The following GFRA3 variants were observed in gnomAD, a reference collection of about 807,000 sequenced individuals.
The protein encoded by GFRA3 is GDNF family receptor alpha-3.
In GFRA3, 24 loss-of-function variants were observed where a neutral mutation model predicts 40.0. That is an observed-to-expected ratio of 0.60 (90% CI 0.43 to 0.84). GFRA3 has a LOEUF of 0.84. Ranked by LOEUF, GFRA3 falls within the 40% of genes least tolerant of loss-of-function variation. GFRA3 has a pLI of 0.00. For synonymous variants in GFRA3, 203 were observed against 213.5 expected, an observed-to-expected ratio of 0.95 and a Z score of 0.43; for missense variants, 405 against 530.6, an observed-to-expected ratio of 0.76 and a Z score of 2.33.
At chr5:138,257,552 G>A (rs1755648982) in intron 4 of GFRA3, 87 bp downstream of exon 4, 3 of 1,196,486 alleles carry the variant, frequency 2.5e-6, no homozygotes, top group Admixed American at 2.6e-5. Flanking sequence ...CCCTGGGAGG[G>A]TCAGACCCTG....
intron 1 of GFRA3, among the ~76,000 whole-genome samples, chr5:138,268,284 G>GAAAAAAAAAAAAAAAAAAAAAA (rs60958894): frequency 3.6e-4 from 12 of 33,140 alleles, no homozygotes; most frequent in Non-Finnish European, 4.6e-4. Flanking sequence ...GACTCCATCT[G>GAAAAAAAAAAAAAAAAAAAAAA]AAAAAAAAAA....
rs1442004461 is a variant in GFRA3, at chr5:138,253,809, C to T, written c.981G>A (p.Glu327=). The T allele has an allele frequency of 6.2e-7, 1 of 1,613,954 alleles. No homozygotes were observed. Among genetic ancestry groups the T allele is most frequent in the Non-Finnish European group, 8.5e-7 (1 of 1,179,966 alleles). ...AGAAGAACCCTTCCAGCATTTCACACTCCTCCTGCAGGTTGCCACTGCCTC... is the reference window on the plus strand; with the variant it reads ...AGAAGAACCCTTCCAGCATTTCACATTCCTCCTGCAGGTTGCCACTGCCTC... ...TCRGSGNLQE[E]CEMLEGFFSH... The change falls in exon 6 of 8, where the codon GAG becomes GAA. Residue 327 remains glutamate (E), a synonymous_variant. Coordinates refer to ENST00000274721, the MANE Select transcript of GFRA3 (RefSeq NM_001496.4).
At chr5:138,253,636 C>T in intron 6 of GFRA3, 130 bp downstream of exon 6, 1 of 846,766 alleles carries the variant, frequency 1.2e-6, no homozygotes, top group Non-Finnish European at 1.9e-6. Flanking sequence ...GCAATGAAAG[C>T]CTATGCTAGG....
chr5:138,256,706 T>C (rs1342476114), intron 4 of GFRA3, among the ~76,000 whole-genome samples: 2 of 152,030 alleles, frequency 1.3e-5, no homozygotes, highest in East Asian at 3.9e-4. Context: ...CCTAGCACTT[T>C]GGGAGGCCAA....
At chr5:138,268,794 G>A (rs1318272415) in intron 1 of GFRA3, among the ~76,000 whole-genome samples, 1 of 151,922 alleles carries the variant, frequency 6.6e-6, no homozygotes, top group Non-Finnish European at 1.5e-5. Flanking sequence ...GGATGGTGGT[G>A]AGCTCCTGTA....
intron 1 of GFRA3, among the ~76,000 whole-genome samples, chr5:138,271,820 C>A (rs1307047974): frequency 2.0e-5 from 3 of 148,228 alleles, no homozygotes; most frequent in Non-Finnish European, 4.5e-5. Flanking sequence ...TCAAGCAATC[C>A]ACCCACCTTG....
chr5:138,273,941 G>C (rs1755911922), intron 1 of GFRA3, among the ~76,000 whole-genome samples: 1 of 152,188 alleles, frequency 6.6e-6, no homozygotes, highest in South Asian at 2.1e-4. Context: ...AGATGGAAGA[G>C]TTAAAGCCCA....
At position 138,254,051 on chromosome 5, in the gene GFRA3, C is replaced by A. The variant is rs1262406534; in HGVS notation, c.889+6G>T. On this transcript the variant is annotated splice_donor_region_variant and intron_variant, in intron 5 of 7. Transcript: ENST00000274721. ...TAGGGTTCCCTACACATGCCCCCAG[C>A]CTCACCAATCAGCCCCAGGTATGCT... is the stretch of plus-strand genomic sequence containing the variant. The A allele has an allele frequency of 1.9e-6, 3 of 1,599,002 alleles. No individual in the cohort carries two copies. The highest frequency in any genetic ancestry group is 2.7e-5 in the African/African-American group (2 of 74,560).
intron 1 of GFRA3, among the ~76,000 whole-genome samples, chr5:138,265,740 G>C (rs974030097): frequency 2.0e-5 from 3 of 151,814 alleles, no homozygotes; most frequent in Admixed American, 2.0e-4. Flanking sequence ...TATCTCCCAG[G>C]CTGGAGTGCA....
intron 1 of GFRA3, among the ~76,000 whole-genome samples, chr5:138,270,311 G>T (rs1280795849): frequency 6.6e-6 from 1 of 150,472 alleles, no homozygotes; most frequent in Non-Finnish European, 1.5e-5. Context: ...GGCGGAGCTT[G>T]CAGTGAGCCG....
chr5:138,268,281 T>G (rs1371613827), intron 1 of GFRA3, among the ~76,000 whole-genome samples: 2 of 628 alleles, frequency 3.2e-3, no homozygotes, highest in Non-Finnish European at 0.02. Flanking sequence ...TGAGACTCCA[T>G]CTGAAAAAAA....
At chr5:138,254,187 CTTT>C (rs367624929) in intron 4 of GFRA3, 27 bp from the exon 5 acceptor site, 1,361 of 931,162 alleles carry the variant, frequency 1.5e-3, no homozygotes, top group Middle Eastern at 2.7e-3. Flanking sequence ...TTCTGTCTTT[CTTT>C]TTTTTTTTTT....
chr5:138,265,063 T>C (rs1437901915), intron 1 of GFRA3, among the ~76,000 whole-genome samples: 2 of 152,138 alleles, frequency 1.3e-5, no homozygotes, highest in Admixed American at 6.5e-5. Flanking sequence ...AAGGGTAACC[T>C]GACCCTGTCT....
At chr5:138,260,175 AC>A (rs1476284335) in intron 2 of GFRA3, among the ~76,000 whole-genome samples, 1 of 152,082 alleles carries the variant, frequency 6.6e-6, no homozygotes, top group Non-Finnish European at 1.5e-5. Context: ...ACACTTCCTC[AC>A]CCCACTGATG....
chr5:138,274,557 G>A lies in GFRA3; in HGVS notation c.-133C>T. ...CGCGACGCACACACTCTCCCACCAG[G>A]GTCCTGGGCGCCGCCCTCCAACTCC... On this transcript the variant is annotated 5_prime_UTR_variant, in exon 1 of 8. Coordinates refer to ENST00000274721, the MANE Select transcript of GFRA3 (RefSeq NM_001496.4). 1 of 1,229,762 alleles carries A rather than the reference G, an allele frequency of 8.1e-7. No homozygotes were observed. The highest frequency in any genetic ancestry group is 1.0e-6 in the Non-Finnish European group (1 of 986,884). 76.2% of individuals were successfully genotyped at this position (1,229,762 alleles called of 1,614,324 possible).
At chr5:138,265,586 C>T (rs1455325988) in intron 1 of GFRA3, among the ~76,000 whole-genome samples, 2 of 152,182 alleles carry the variant, frequency 1.3e-5, no homozygotes, top group East Asian at 3.9e-4. Flanking sequence ...CATCTGGAAT[C>T]TGCCCACTTT....
Position 138,265,679 on chromosome 5 carries a change from TCTTCTC to T in GFRA3, c.92-1137_92-1132del, listed in dbSNP as rs200700495. Among the ~76,000 whole-genome samples, 1,078 of 152,034 alleles carry T rather than the reference TCTTCTC, an allele frequency of 7.1e-3. 6 individuals are homozygous for T. Among genetic ancestry groups the T allele is most frequent in the African/African-American group, 0.024 (999 of 41,476 alleles). On this transcript the variant is annotated intron_variant, in intron 1 of 7. Coordinates refer to ENST00000274721, the MANE Select transcript of GFRA3 (RefSeq NM_001496.4). ...CCCTCTTCTTTCTTCCTTCTCCTTC[TCTTCTC>T]CTTCTCCTTCTTCTCCTTTTTCTTT...
intron 4 of GFRA3, among the ~76,000 whole-genome samples, chr5:138,255,577 A>G (rs1581506717): frequency 6.6e-6 from 1 of 152,294 alleles, no homozygotes; most frequent in South Asian, 2.1e-4. Context: ...CATCCTAAGT[A>G]ATAACTACAT....
At chr5:138,258,147 C>G (rs1755660059) in intron 3 of GFRA3, among the ~76,000 whole-genome samples, 196 bp from the exon 4 acceptor site, 1 of 147,576 alleles carries the variant, frequency 6.8e-6, no homozygotes, top group Non-Finnish European at 1.5e-5. Flanking sequence ...TGTTTTGAAG[C>G]CTTCCCCACC....
Sources: allele counts gnomAD v4.1 joint callset (sites outside exome capture counted in the v4.1 genomes callset), GRCh38; gene constraint gnomAD v4.1.1; transcripts MANE v1.5; gene names NCBI Gene and HGNC (gene_info 2026-07-23, HGNC 2026-07-21).